Variants in KIF1A observed in about 807,000 individuals in gnomAD.
KIF1A encodes kinesin-like protein KIF1A.
A neutral mutation model predicts 227.3 loss-of-function variants in KIF1A; 46 were observed. That is an observed-to-expected ratio of 0.20 (90% CI 0.16 to 0.26). The LOEUF is 0.26. KIF1A is among the 10% of genes least tolerant of loss of function. The pLI is 1.00. For missense variants in KIF1A, 1,683 were observed against 2,485.9 expected (o/e 0.68, Z 6.87); for synonymous variants, 1,022 against 1,012.8 (o/e 1.01, Z -0.17).
rs767331601 is a variant in KIF1A at position 240,797,689 on chromosome 2, G to A, written c.64C>T (p.Arg22Cys). ...VRPFNSREMS[R>C]DSKCIIQMSG... Reference sequence around the variant, plus strand: ...ATCTGAATGATGCACTTGGAGTCACGGCTCATTTCCCGGGAATTGAAGGGG... The same window carrying A: ...ATCTGAATGATGCACTTGGAGTCACAGCTCATTTCCCGGGAATTGAAGGGG... Residue 22 changes from arginine to cysteine, a missense_variant, in exon 2 of 49, where the codon CGT (arginine) becomes TGT (cysteine). Around this residue, in one of 12 missense-constraint regions of KIF1A, gnomAD observed 71 missense variants for 129.1 expected, o/e 0.55. Coordinates refer to ENST00000498729, the MANE Select transcript of KIF1A (RefSeq NM_001244008.2). 7.4e-6 allele frequency: 12 copies of A among 1,612,896 alleles called. No individual in the cohort carries two copies. Among genetic ancestry groups the A allele is most frequent in the East Asian group, 2.2e-5 (1 of 44,874 alleles).
intron 20 of KIF1A, among the ~76,000 whole-genome samples, chr2:240,765,005 C>G (rs1041356534): frequency 3.3e-5 from 5 of 152,228 alleles, no homozygotes; most frequent in African/African-American, 1.2e-4. Flanking sequence ...ATCTGATAAG[C>G]CAATTCCTTG....
intron 1 of KIF1A, among the ~76,000 whole-genome samples, chr2:240,804,492 G>C (rs535187314): frequency 6.6e-6 from 1 of 152,306 alleles, no homozygotes; most frequent in African/African-American, 2.4e-5. Context: ...ACAGGCATTT[G>C]GTGATACCAG....
intron 1 of KIF1A, among the ~76,000 whole-genome samples, chr2:240,809,244 A>G (rs1246435451): frequency 1.3e-5 from 2 of 152,244 alleles, no homozygotes; most frequent in African/African-American, 4.8e-5. Flanking sequence ...AGAAATGTAT[A>G]TGGTAGAGTA....
At chr2:240,774,297 A>T in intron 11 of KIF1A, 36 bp from the exon 12 acceptor site, 1 of 1,430,414 alleles carries the variant, frequency 7.0e-7, no homozygotes, top group Non-Finnish European at 9.8e-7. Context: ...CCAGAGGGGG[A>T]TCTAGGCCCC....
chr2:240,783,020 T>C, intron 9 of KIF1A, 24 bp downstream of exon 9: 1 of 1,597,286 alleles, frequency 6.3e-7, no homozygotes, highest in East Asian at 2.2e-5. Flanking sequence ...GTTCTGGCTA[T>C]GGAAGCCGGG....
intron 38 of KIF1A, among the ~76,000 whole-genome samples, chr2:240,730,738 C>A (rs1176492413): frequency 6.6e-6 from 1 of 152,340 alleles, no homozygotes; most frequent in South Asian, 2.1e-4. Context: ...AGGATCTGGA[C>A]ATGACACAAC....
intron 17 of KIF1A, among the ~76,000 whole-genome samples, chr2:240,767,577 G>A (rs1351485159): frequency 3.3e-5 from 5 of 152,364 alleles, no homozygotes; most frequent in Admixed American, 6.5e-5. Flanking sequence ...CCGACCACCC[G>A]CATACACCCA....
At position 240,760,716 on chromosome 2, in the gene KIF1A, AC is replaced by A; in HGVS notation, c.2392del (p.Val798SerfsTer23). ...GGTGGCCCCGTTCTTCTGGTCCTGGACCTCCACGGCCACAATGGTGCGGGGG... is the reference window on the plus strand; with the variant it reads ...GGTGGCCCCGTTCTTCTGGTCCTGGACTCCACGGCCACAATGGTGCGGGGG... Reference protein sequence around the residue: ...PFPRTIVAVEVQDQKNGATHY... With the variant: ...PFPRTIVAVEXQDQKNGATHY... On this transcript the variant is annotated frameshift_variant, in exon 25 of 49. Coordinates refer to ENST00000498729, the MANE Select transcript of KIF1A (RefSeq NM_001244008.2). LOFTEE classifies it high-confidence loss of function. 1 of 1,583,792 alleles carries A rather than the reference AC, an allele frequency of 6.3e-7. No homozygotes were observed. Among genetic ancestry groups the A allele is most frequent in the South Asian group, 1.2e-5 (1 of 86,762 alleles).
At chr2:240,809,986 G>A (rs1038571963) in intron 1 of KIF1A, among the ~76,000 whole-genome samples, 2 of 151,126 alleles carry the variant, frequency 1.3e-5, no homozygotes, top group African/African-American at 2.4e-5. Flanking sequence ...TTTATTTTTT[G>A]TATTTTCAGT....
At chr2:240,797,963 C>G in intron 1 of KIF1A, 151 bp from the exon 2 acceptor site, 1 of 506,752 alleles carries the variant, frequency 2.0e-6, no homozygotes, top group Non-Finnish European at 3.5e-6. Flanking sequence ...GGAGAGGAGG[C>G]AGCGCAGATA....
rs907273184 is a variant in KIF1A at position 240,736,913 on chromosome 2, A to G, written c.4007+150T>C. The G allele has an allele frequency of 1.7e-5, 11 of 653,050 alleles. No homozygotes were observed. In the Admixed American group the frequency reaches 1.9e-4, roughly 11 times the overall value. The allele number at this position is 653,050 out of a possible 1,614,324, so 40.5% of individuals were successfully genotyped here. On this transcript the variant is annotated intron_variant, in intron 38 of 48. Transcript: ENST00000498729. This position sits in a 1 kb window ranked among gnomAD's most constrained non-coding sequence, Gnocchi z 4.7. The stretch of plus-strand genomic sequence containing the variant: ...GGGGTGCAGAGGCCACCAGCCCCTC[A>G]CCGCACAGCTCCTGCAGGTGCCAGG...
chr2:240,782,564 C>T (rs758657832), intron 10 of KIF1A, 26 bp downstream of exon 10: 2 of 1,551,062 alleles, frequency 1.3e-6, no homozygotes, highest in East Asian at 4.9e-5. Flanking sequence ...CCCGCACCTG[C>T]CCCGGGGCTG....
chr2:240,812,775 T>C (rs867972623), intron 1 of KIF1A, among the ~76,000 whole-genome samples: 3,141 of 105,522 alleles, frequency 0.03, no homozygotes, highest in Middle Eastern at 0.057. Context: ...CCTTGGGATC[T>C]GCCTTCACCT....
rs1267898509 is a variant in KIF1A, at chr2:240,788,035, G to GC, written c.363+15dup. 6 of 729,714 alleles carry GC rather than the reference G, an allele frequency of 8.2e-6. No individual in the cohort carries two copies. Among genetic ancestry groups the GC allele is most frequent in the East Asian group, 5.1e-5 (1 of 19,588 alleles). The allele number at this position is 729,714 out of a possible 1,614,324, so 45.2% of individuals were successfully genotyped here. ...CCATCTGCCAGGGCTGCCCCCGCCC[G>GC]CCCCCCGCTTCGTGCCTGTGGGATG... On this transcript the variant is annotated intron_variant, in intron 4 of 48. Transcript: ENST00000498729. The surrounding 1 kb of genome is among the most constrained non-coding windows in gnomAD (Gnocchi z 6.6).
At chr2:240,779,141 C>G (rs1490740183) in intron 10 of KIF1A, among the ~76,000 whole-genome samples, 1 of 149,906 alleles carries the variant, frequency 6.7e-6, no homozygotes, top group Non-Finnish European at 1.5e-5. Context: ...CTCAGTTCCT[C>G]ACAGTTCCAC....
chr2:240,753,095 C>A (rs1379913075), intron 27 of KIF1A, among the ~76,000 whole-genome samples: 1 of 152,216 alleles, frequency 6.6e-6, no homozygotes, highest in Non-Finnish European at 1.5e-5. Context: ...CATGGCACCA[C>A]AAAGGTGACC....
Position 240,722,472 on chromosome 2 carries a change from C to G in KIF1A, c.4649G>C (p.Arg1550Pro), listed in dbSNP as rs952804990. 2.6e-6 allele frequency: 4 copies of G among 1,546,670 alleles called. No individual in the cohort carries two copies. The highest frequency in any genetic ancestry group is 3.5e-6 in the Non-Finnish European group (4 of 1,146,770). The part of the protein sequence containing the change: ...SPLEAPNERQ[R>P]ELAVKCLRLL... ...TGGACCCACCTTGACGGCCAGCTCC[C>G]GCTGCCTCTCGTTGGGAGCCTCCAG... The change falls in exon 43 of 49, where the codon CGG becomes CCG. Residue 1550 changes from arginine (R) to proline (P), a missense_variant. Coordinates refer to ENST00000498729, the MANE Select transcript of KIF1A (RefSeq NM_001244008.2).
intron 25 of KIF1A, among the ~76,000 whole-genome samples, chr2:240,760,000 A>G (rs2050317476): frequency 6.6e-6 from 1 of 151,656 alleles, no homozygotes; most frequent in Admixed American, 6.6e-5. Flanking sequence ...TGAGCAACAG[A>G]GCAAGGCCCT....
At chr2:240,717,510 C>T in intron 48 of KIF1A, 104 bp from the exon 49 acceptor site, 1 of 997,298 alleles carries the variant, frequency 1.0e-6, no homozygotes, top group East Asian at 2.4e-5. Flanking sequence ...CAGCCACAGA[C>T]CCCATGTCCC....
Sources: allele counts gnomAD v4.1 joint callset (sites outside exome capture counted in the v4.1 genomes callset), GRCh38; gene constraint gnomAD v4.1.1; regional missense constraint gnomAD v4.1.1; non-coding constraint Gnocchi (gnomAD v3.1); transcripts MANE v1.5; gene names NCBI Gene and HGNC (gene_info 2026-07-23, HGNC 2026-07-21).